Variants in GPR161 observed in about 807,000 individuals in gnomAD.
GPR161 encodes the protein G protein-coupled receptor 161.
In GPR161, 25 loss-of-function variants were observed where a neutral mutation model predicts 39.2. That is an observed-to-expected ratio of 0.64 (90% CI 0.47 to 0.89). The LOEUF is 0.89. Ranked by LOEUF, GPR161 falls within the 40% of genes least tolerant of loss-of-function variation. GPR161 has a pLI of 0.00. For missense variants in GPR161, 547 were observed against 677.8 expected, an observed-to-expected ratio of 0.81 and a Z score of 2.14; for synonymous variants, 286 against 276.6, an observed-to-expected ratio of 1.03 and a Z score of -0.34.
intron 2 of GPR161, among the ~76,000 whole-genome samples, chr1:168,097,718 T>TG (rs1471548521): frequency 6.6e-6 from 1 of 152,140 alleles, no homozygotes; most frequent in Non-Finnish European, 1.5e-5. Context: ...CTCCTGGAAA[T>TG]GCAGTTGAGA....
In GPR161 at chr1:168,096,734, G is replaced by A; in HGVS notation, c.873C>T (p.Ala291=). The A allele has an allele frequency of 6.2e-7, 1 of 1,614,080 alleles. No homozygotes were observed. The highest frequency in any genetic ancestry group is 8.5e-7 in the Non-Finnish European group (1 of 1,180,016). ...AGCTTTTCCCCCAGAGGGCCTCAGA[G>A]GCGATGACAACCATGTAGGGGCCCC... ...VTWGPYMVVI[A]SEALWGKSSV... is the part of the protein sequence containing the mutation. Residue 291 remains alanine, a synonymous_variant, in exon 3 of 6, where the codon GCC becomes GCT. Transcript: ENST00000682931.
At chr1:168,089,283 G>A (rs1462629591) in intron 4 of GPR161, 4 of 152,202 alleles carry the variant, frequency 2.6e-5, no homozygotes, top group African/African-American at 9.7e-5. Flanking sequence ...GAGTAACAGA[G>A]ACTTTCCTTA....
intron 1 of GPR161, among the ~76,000 whole-genome samples, chr1:168,117,067 G>A (rs1697694155): frequency 6.6e-6 from 1 of 152,092 alleles, no homozygotes. Context: ...ATGCCACTGG[G>A]TTTGAGGTTC....
chr1:168,114,213 T>C (rs911994315), intron 1 of GPR161, among the ~76,000 whole-genome samples: 4 of 152,202 alleles, frequency 2.6e-5, no homozygotes, highest in African/African-American at 9.6e-5. Context: ...TTGATTGTCT[T>C]AAGGTGGAAA....
intron 1 of GPR161, among the ~76,000 whole-genome samples, chr1:168,128,950 T>A (rs1219069302): frequency 1.3e-5 from 2 of 152,210 alleles, no homozygotes; most frequent in Non-Finnish European, 2.9e-5. Context: ...AATACATTTA[T>A]TGAAGAGCTG....
chr1:168,126,768 TA>T (rs1698624974), intron 1 of GPR161, among the ~76,000 whole-genome samples: 1 of 152,228 alleles, frequency 6.6e-6, no homozygotes, highest in African/African-American at 2.4e-5. Flanking sequence ...TACAAGTTTT[TA>T]TTTTAGGTGA....
At chr1:168,107,091 T>C (rs577794106) in intron 1 of GPR161, among the ~76,000 whole-genome samples, 1 of 151,736 alleles carries the variant, frequency 6.6e-6, no homozygotes, top group Admixed American at 6.6e-5. Context: ...AAAGTTGAAA[T>C]TATAAAAAAA....
At chr1:168,104,971 C>T in intron 1 of GPR161, 77 bp from the exon 2 acceptor site, 1 of 1,155,126 alleles carries the variant, frequency 8.7e-7, no homozygotes, top group Middle Eastern at 2.4e-4. Flanking sequence ...GGAAGAAAGG[C>T]TTAAAGGGGT....
chr1:168,103,899 C>A (rs978284551), intron 2 of GPR161, among the ~76,000 whole-genome samples: 1 of 152,246 alleles, frequency 6.6e-6, no homozygotes, highest in Non-Finnish European at 1.5e-5. Flanking sequence ...CGAGATGCTG[C>A]TTAGGAACAT....
At chr1:168,113,104 AG>A (rs1697357263) in intron 1 of GPR161, among the ~76,000 whole-genome samples, 1 of 152,170 alleles carries the variant, frequency 6.6e-6, no homozygotes, top group African/African-American at 2.4e-5. Context: ...CAGCCAGAGG[AG>A]GCTTCCTGGC....
At chr1:168,117,317 C>G (rs1697715117) in intron 1 of GPR161, among the ~76,000 whole-genome samples, 2 of 152,162 alleles carry the variant, frequency 1.3e-5, no homozygotes, top group South Asian at 4.1e-4. Context: ...ATATGACATA[C>G]TATTACACAC....
intron 1 of GPR161, among the ~76,000 whole-genome samples, chr1:168,110,763 A>C (rs1266341353): frequency 6.6e-6 from 1 of 151,876 alleles, no homozygotes; most frequent in East Asian, 1.9e-4. Flanking sequence ...GTCTCTACTA[A>C]ACATACAAAA....
At chr1:168,111,710 T>A (rs1407776059) in intron 1 of GPR161, among the ~76,000 whole-genome samples, 1 of 152,176 alleles carries the variant, frequency 6.6e-6, no homozygotes, top group East Asian at 1.9e-4. Context: ...TATTTTGAGT[T>A]GGGTTTCTGT....
intron 1 of GPR161, among the ~76,000 whole-genome samples, chr1:168,113,057 T>TA (rs1377600406): frequency 1.3e-5 from 2 of 152,126 alleles, no homozygotes; most frequent in African/African-American, 4.8e-5. Context: ...CCTCAGGGTG[T>TA]ATCTTTAAAG....
intron 1 of GPR161, among the ~76,000 whole-genome samples, chr1:168,127,730 G>T (rs1316832690): frequency 6.6e-6 from 1 of 152,114 alleles, no homozygotes; most frequent in Non-Finnish European, 1.5e-5. Flanking sequence ...AACAGCACAA[G>T]AAAGACCCAC....
At chr1:168,130,134 C>G (rs1698879333) in intron 1 of GPR161, among the ~76,000 whole-genome samples, 1 of 152,178 alleles carries the variant, frequency 6.6e-6, no homozygotes, top group Non-Finnish European at 1.5e-5. Flanking sequence ...TTCCAAGATG[C>G]CCTCTGGGGC....
intron 3 of GPR161, among the ~76,000 whole-genome samples, chr1:168,091,298 G>A (rs1414362312): frequency 1.3e-5 from 2 of 152,196 alleles, no homozygotes; most frequent in African/African-American, 4.8e-5. Flanking sequence ...TGGTAGGAGA[G>A]GAGAGAGAGT....
chr1:168,093,831 G>A (rs1695281513), intron 3 of GPR161, among the ~76,000 whole-genome samples: 1 of 152,226 alleles, frequency 6.6e-6, no homozygotes, highest in Non-Finnish European at 1.5e-5. Flanking sequence ...CGCAGGGTGA[G>A]CGGCTGGGCT....
In GPR161 at chr1:168,119,243, C is replaced by CGTATATATAT. The variant is rs1558129818; in HGVS notation, c.-44-14350_-44-14349insATATATATAC. Among the ~76,000 whole-genome samples the CGTATATATAT allele has an allele frequency of 3.2e-4, 33 of 101,574 alleles. 1 individual carries two copies. Among genetic ancestry groups the CGTATATATAT allele is most frequent in the East Asian group, 1.1e-3 (4 of 3,698 alleles). 66.6% of individuals were successfully genotyped at this position (101,574 alleles called of 152,430 possible). On this transcript the variant is annotated intron_variant, in intron 1 of 5. Transcript: ENST00000682931. The stretch of plus-strand genomic sequence containing the variant: ...ATATATATACGTATATATATATATA[C>CGTATATATAT]ACATATATATATACGTATATATATG...
Sources: allele counts gnomAD v4.1 joint callset (sites outside exome capture counted in the v4.1 genomes callset), GRCh38; gene constraint gnomAD v4.1.1; transcripts MANE v1.5; gene names NCBI Gene and HGNC (gene_info 2026-07-23, HGNC 2026-07-21).